The following RBFOX1 variants were observed in gnomAD, a reference collection of about 807,000 sequenced individuals.
RBFOX1 encodes the protein RNA binding fox-1 homolog 1.
RBFOX1 carries 8 observed loss-of-function variants against 57.7 expected under a neutral mutation model. The ratio of observed to expected loss-of-function variants is 0.14; its 90% CI spans 0.08 to 0.25. The LOEUF (loss-of-function observed/expected upper bound fraction) is 0.25. Among genes scored for constraint, RBFOX1 ranks in the 10% least tolerant of loss-of-function variants. The probability of loss-of-function intolerance (pLI) is 1.00; values close to 1 mark genes in which losing one functional copy is unlikely to be tolerated. For missense variants in RBFOX1, 611 were observed against 548.5 expected (o/e 1.11, Z -1.14); for synonymous variants, 326 against 222.4 (o/e 1.47, Z -4.15).
At chr16:6,006,252 C>G (rs1477665909) in intron 4 of RBFOX1, among the ~76,000 whole-genome samples, 1 of 152,084 alleles carries the variant, frequency 6.6e-6, no homozygotes, top group Non-Finnish European at 1.5e-5. Flanking sequence ...ACTCTGGTTC[C>G]ACAGATGTGG....
At chr16:5,840,544 G>C (rs961537141) in intron 3 of RBFOX1, among the ~76,000 whole-genome samples, 3 of 152,164 alleles carry the variant, frequency 2.0e-5, no homozygotes, top group African/African-American at 7.2e-5. Context: ...CTGCCATCAT[G>C]ATCTTTACAT....
intron 4 of RBFOX1, among the ~76,000 whole-genome samples, chr16:7,167,682 A>C (rs1161887890): frequency 3.9e-5 from 6 of 152,230 alleles, no homozygotes; most frequent in African/African-American, 4.8e-5. Flanking sequence ...GAGGGCTGCA[A>C]ACTAAGGCCT....
chr16:5,380,582 G>A (rs2066106327), intron 1 of RBFOX1, among the ~76,000 whole-genome samples: 1 of 152,218 alleles, frequency 6.6e-6, no homozygotes, highest in Non-Finnish European at 1.5e-5. Context: ...GGGTGTGAAA[G>A]CATTGCTAAT....
intron 1 of RBFOX1, among the ~76,000 whole-genome samples, chr16:6,196,338 A>G (rs2097179664): frequency 6.6e-6 from 1 of 152,208 alleles, no homozygotes. Flanking sequence ...ATTTTGAGCG[A>G]GTGACCTAAC....
chr16:5,876,421 G>C (rs1320097633), intron 4 of RBFOX1, among the ~76,000 whole-genome samples: 1 of 152,138 alleles, frequency 6.6e-6, no homozygotes, highest in Non-Finnish European at 1.5e-5. Flanking sequence ...ACTCACACCC[G>C]AGGCTATCAG....
chr16:5,285,355 T>A (rs2063366924), intron 1 of RBFOX1, among the ~76,000 whole-genome samples: 1 of 136,536 alleles, frequency 7.3e-6, no homozygotes, highest in Admixed American at 8.4e-5. Context: ...GATCATGAAT[T>A]GTTTTCCTGA....
intron 3 of RBFOX1, among the ~76,000 whole-genome samples, chr16:6,807,849 G>A (rs1383351662): frequency 6.6e-6 from 1 of 151,056 alleles, no homozygotes; most frequent in Non-Finnish European, 1.5e-5. Flanking sequence ...TAGTTCTATT[G>A]AATATGTATG....
chr16:6,131,576 C>G (rs1265259602), intron 1 of RBFOX1, among the ~76,000 whole-genome samples: 1 of 152,200 alleles, frequency 6.6e-6, no homozygotes, highest in African/African-American at 2.4e-5. Flanking sequence ...CCAGATGACT[C>G]TCAAGTTTAT....
chr16:5,922,552 C>G (rs942300069), intron 4 of RBFOX1, among the ~76,000 whole-genome samples: 1 of 152,160 alleles, frequency 6.6e-6, no homozygotes, highest in Non-Finnish European at 1.5e-5. Context: ...CATCTCCCTG[C>G]TGGACCCAGA....
exon 3 of RBFOX1, chr16:5,599,746 T>C (rs9931339): frequency 1.0e-4 from 16 of 153,708 alleles, no homozygotes; most frequent in African/African-American, 3.4e-4. Flanking sequence ...AAAAAAAGTT[T>C]AACATAAAGT....
intron 3 of RBFOX1, among the ~76,000 whole-genome samples, chr16:5,799,805 G>A (rs760540630): frequency 6.6e-6 from 1 of 152,074 alleles, no homozygotes; most frequent in Admixed American, 6.5e-5. Flanking sequence ...ATAGCTCTTT[G>A]TACAAAGTTG....
At chr16:6,259,684 G>T (rs2097689862) in intron 1 of RBFOX1, among the ~76,000 whole-genome samples, 1 of 152,144 alleles carries the variant, frequency 6.6e-6, no homozygotes, top group Non-Finnish European at 1.5e-5. Context: ...GGGGCCGGGT[G>T]CAGTGGCTTA....
chr16:5,406,121 CATTT>C (rs1415764889), intron 1 of RBFOX1, among the ~76,000 whole-genome samples: 1 of 152,168 alleles, frequency 6.6e-6, no homozygotes, highest in Non-Finnish European at 1.5e-5. Context: ...TTCATTCATT[CATTT>C]ATTCATTCAT....
chr16:7,025,526 G>A, intron 3 of RBFOX1, among the ~76,000 whole-genome samples: 1 of 152,182 alleles, frequency 6.6e-6, no homozygotes, highest in African/African-American at 2.4e-5. Flanking sequence ...AGTTGCTCTG[G>A]TTCAAACACC....
At chr16:7,100,947 T>C (rs1386450365) in intron 4 of RBFOX1, among the ~76,000 whole-genome samples, 1 of 152,216 alleles carries the variant, frequency 6.6e-6, no homozygotes, top group East Asian at 1.9e-4. Flanking sequence ...TGAAAGTGAT[T>C]GTACTTTATA....
chr16:5,697,214 G>A (rs992337158), intron 3 of RBFOX1, among the ~76,000 whole-genome samples: 21 of 151,962 alleles, frequency 1.4e-4, no homozygotes, highest in Non-Finnish European at 2.5e-4. Context: ...TAATACTTTG[G>A]TTGTAGATCT....
intron 3 of RBFOX1, among the ~76,000 whole-genome samples, chr16:5,840,445 A>T (rs2056591344): frequency 6.6e-6 from 1 of 152,168 alleles, no homozygotes; most frequent in African/African-American, 2.4e-5. Flanking sequence ...TCTGCGGGGT[A>T]GAAAGTCATT....
chr16:6,189,067 G>T (rs1202830663), intron 1 of RBFOX1, among the ~76,000 whole-genome samples: 2 of 152,190 alleles, frequency 1.3e-5, no homozygotes, highest in Non-Finnish European at 2.9e-5. Flanking sequence ...CATGTTTTAT[G>T]TGGTTTCAGA....
chr16:6,684,215 C>T (rs561620450), intron 3 of RBFOX1, among the ~76,000 whole-genome samples: 3 of 152,274 alleles, frequency 2.0e-5, no homozygotes, highest in African/African-American at 7.2e-5. Context: ...GTTTCTTATG[C>T]ATGGAACTGG....
Sources: allele counts gnomAD v4.1 joint callset (sites outside exome capture counted in the v4.1 genomes callset), GRCh38; gene constraint gnomAD v4.1.1; transcripts MANE v1.5; gene names NCBI Gene and HGNC (gene_info 2026-07-23, HGNC 2026-07-21).